EYS: variants seen among roughly 807,000 people sequenced by gnomAD.
EYS encodes EGF-like photoreceptor maintenance factor.
EYS carries 250 observed loss-of-function variants against 282.1 expected under a neutral mutation model. The ratio of observed to expected loss-of-function variants is 0.89; its 90% CI spans 0.80 to 0.98. The LOEUF (loss-of-function observed/expected upper bound fraction) is 0.98, where lower values mean the gene tolerates loss of function less well. Among genes scored for constraint, EYS ranks in the 50% least tolerant of loss-of-function variants. The pLI, the probability that EYS is intolerant of heterozygous loss-of-function variation, is 0.00. For synonymous variants in EYS, 1,355 were observed against 1,282.9 expected, an observed-to-expected ratio of 1.06 and a Z score of -1.20; for missense variants, 4,016 against 3,709.0, an observed-to-expected ratio of 1.08 and a Z score of -2.15.
At chr6:65,418,308 T>C (rs1353560303) in intron 5 of EYS, among the ~76,000 whole-genome samples, 1 of 152,034 alleles carries the variant, frequency 6.6e-6, no homozygotes, top group Admixed American at 6.6e-5. Flanking sequence ...GTATTTCTGG[T>C]TCTAGATCCT....
intron 31 of EYS, among the ~76,000 whole-genome samples, chr6:64,188,088 C>T (rs918008602): frequency 6.6e-6 from 1 of 151,920 alleles, no homozygotes; most frequent in African/African-American, 2.4e-5. Flanking sequence ...TTAAGTAGTC[C>T]AAATTTGTTT....
chr6:64,494,809 T>C (rs946498436), intron 26 of EYS, among the ~76,000 whole-genome samples: 4 of 151,752 alleles, frequency 2.6e-5, no homozygotes, highest in Non-Finnish European at 5.9e-5. Flanking sequence ...TACAGTTTCT[T>C]ACAGAAGAGT....
At chr6:64,538,768 T>A (rs757100912) in intron 26 of EYS, among the ~76,000 whole-genome samples, 5 of 152,178 alleles carry the variant, frequency 3.3e-5, no homozygotes, top group Non-Finnish European at 5.9e-5. Flanking sequence ...TATGACCACA[T>A]TACAGATCTT....
chr6:64,583,061 G>T (rs949903413), intron 26 of EYS, among the ~76,000 whole-genome samples: 1 of 152,094 alleles, frequency 6.6e-6, no homozygotes, highest in African/African-American at 2.4e-5. Flanking sequence ...TGTTACAAAA[G>T]ATTCTGTCTT....
At chr6:65,207,939 A>C (rs1012362453) in intron 12 of EYS, among the ~76,000 whole-genome samples, 2 of 151,690 alleles carry the variant, frequency 1.3e-5, no homozygotes, top group Non-Finnish European at 3.0e-5. Context: ...AACCTAGGAA[A>C]ACCACATTGG....
chr6:64,405,784 C>T (rs1381365664), intron 28 of EYS, among the ~76,000 whole-genome samples: 5 of 151,972 alleles, frequency 3.3e-5, no homozygotes, highest in Admixed American at 2.0e-4. Context: ...TGGGAAGGAC[C>T]TCAAGGAGAA....
chr6:65,613,892 A>G (rs1039047300), intron 2 of EYS, among the ~76,000 whole-genome samples: 4 of 151,928 alleles, frequency 2.6e-5, no homozygotes, highest in African/African-American at 9.7e-5. Flanking sequence ...GTTTATGGTT[A>G]TTAGGTAAAA....
rs370357756 is a variant in EYS at position 65,329,698 on chromosome 6, G to A, written c.1766+5282C>T. ...CTATTCAACTTGTTAATAAAATCAC[G>A]GACATCACGGCAGAAATTACAATAG... On this transcript the variant is annotated intron_variant, in intron 11 of 42. Coordinates refer to ENST00000503581, the MANE Select transcript of EYS (RefSeq NM_001142800.2). The A allele has an allele frequency of 4.0e-5, 39 of 977,952 alleles. No homozygotes were observed. In the South Asian group the frequency reaches 1.2e-3, roughly 30 times the overall value. 60.6% of individuals were successfully genotyped at this position (977,952 alleles called of 1,614,324 possible). A position where few individuals can be genotyped will look rare whatever the true frequency, so the allele number is the denominator to read the frequency against.
intron 26 of EYS, among the ~76,000 whole-genome samples, chr6:64,452,243 G>T (rs943059902): frequency 1.3e-5 from 2 of 152,038 alleles, no homozygotes; most frequent in African/African-American, 4.8e-5. Context: ...AATCATGAGT[G>T]AACTCCCATT....
intron 12 of EYS, among the ~76,000 whole-genome samples, chr6:65,224,414 G>C (rs770501688): frequency 6.6e-6 from 1 of 152,092 alleles, no homozygotes; most frequent in Admixed American, 6.5e-5. Flanking sequence ...CGGTAAAGGA[G>C]TACTTGGAAG....
At chr6:64,239,749 T>G (rs926782615) in intron 30 of EYS, among the ~76,000 whole-genome samples, 2 of 152,194 alleles carry the variant, frequency 1.3e-5, no homozygotes, top group African/African-American at 2.4e-5. Context: ...GCTGAAGCTC[T>G]TTAGTTTAAT....
chr6:65,133,682 G>T (rs1348710699), intron 12 of EYS, among the ~76,000 whole-genome samples: 1 of 151,970 alleles, frequency 6.6e-6, no homozygotes, highest in Non-Finnish European at 1.5e-5. Flanking sequence ...AGACAACATA[G>T]GCAATAACAT....
At chr6:64,212,974 C>G (rs548646822) in intron 31 of EYS, among the ~76,000 whole-genome samples, 1 of 152,174 alleles carries the variant, frequency 6.6e-6, no homozygotes, top group South Asian at 2.1e-4. Context: ...ATGGGTGGAG[C>G]TGGAGGTCAT....
intron 33 of EYS, among the ~76,000 whole-genome samples, chr6:64,033,785 T>A (rs1206050276): frequency 6.6e-6 from 1 of 152,044 alleles, no homozygotes. Flanking sequence ...TGTGTATACA[T>A]ACATTCAATT....
chr6:64,514,985 A>C (rs190195254), intron 26 of EYS, among the ~76,000 whole-genome samples: 10 of 151,886 alleles, frequency 6.6e-5, no homozygotes, highest in Admixed American at 5.9e-4. Flanking sequence ...ATATTTATGC[A>C]ATTTTTCTCT....
chr6:63,994,188 T>A (rs1303709460), intron 34 of EYS, among the ~76,000 whole-genome samples: 1 of 151,942 alleles, frequency 6.6e-6, no homozygotes, highest in African/African-American at 2.4e-5. Context: ...TCACTGAAGA[T>A]GTCGTTAAAT....
At chr6:65,386,861 A>T (rs1348724036) in intron 7 of EYS, among the ~76,000 whole-genome samples, 1 of 151,908 alleles carries the variant, frequency 6.6e-6, no homozygotes, top group Non-Finnish European at 1.5e-5. Context: ...GTTTTTATGT[A>T]AAACTATTTT....
At chr6:65,573,163 A>G (rs1764537498) in intron 2 of EYS, among the ~76,000 whole-genome samples, 1 of 152,172 alleles carries the variant, frequency 6.6e-6, no homozygotes, top group South Asian at 2.1e-4. Context: ...CAGAAAAACT[A>G]TAGACAGCTA....
intron 26 of EYS, among the ~76,000 whole-genome samples, chr6:64,524,811 C>G (rs2093542506): frequency 6.6e-6 from 1 of 151,668 alleles, no homozygotes; most frequent in African/African-American, 2.4e-5. Context: ...GCTCTCTATT[C>G]TGTTCCATTG....
Sources: gnomAD v4.1 joint callset for allele counts (sites outside exome capture counted in the v4.1 genomes callset) on GRCh38, gnomAD v4.1.1 for gene constraint, MANE v1.5 for transcripts, NCBI Gene and HGNC (gene_info 2026-07-23, HGNC 2026-07-21) for gene names.